SLC43A1: variants seen among roughly 807,000 people sequenced by gnomAD.
SLC43A1 encodes solute carrier family 43 member 1.
Under a neutral mutation model 59.5 loss-of-function variants are expected in SLC43A1, and 31 were observed. The observed-to-expected ratio is 0.52, with a 90% CI of 0.39 to 0.70. SLC43A1 has a LOEUF of 0.70. Ranked by LOEUF, SLC43A1 falls within the 30% of genes least tolerant of loss-of-function variation. The probability of loss-of-function intolerance (pLI) is 0.00; values close to 1 mark genes in which losing one functional copy is unlikely to be tolerated. For missense variants in SLC43A1, 598 were observed against 717.8 expected, an observed-to-expected ratio of 0.83 and a Z score of 1.91; for synonymous variants, 259 against 290.9, an observed-to-expected ratio of 0.89 and a Z score of 1.12.
At chr11:57,509,220 G>A (rs2135219975) in intron 2 of SLC43A1, among the ~76,000 whole-genome samples, 1 of 152,196 alleles carries the variant, frequency 6.6e-6, no homozygotes, top group African/African-American at 2.4e-5. Flanking sequence ...ACACCAGGTG[G>A]ATATCTCACA....
At chr11:57,493,047 G>A (rs1016766647) in intron 8 of SLC43A1, among the ~76,000 whole-genome samples, 7 of 152,054 alleles carry the variant, frequency 4.6e-5, no homozygotes, top group African/African-American at 1.4e-4. Context: ...CTCGGGGCGG[G>A]GGGGAAAGAA....
In SLC43A1 at chr11:57,500,807, C is replaced by T; in HGVS notation, c.437G>A (p.Gly146Asp). 6.2e-7 allele frequency: 1 copy of T among 1,614,196 alleles called. No individual in the cohort carries two copies. Among genetic ancestry groups the T allele is most frequent in the Non-Finnish European group, 8.5e-7 (1 of 1,180,012 alleles). The change falls in exon 5 of 15, where the codon GGC becomes GAC. Residue 146 changes from glycine to aspartate, a missense_variant. Physicochemically the swap from Gly to Asp is moderately conservative, Grantham distance 94. Coordinates refer to ENST00000278426, the MANE Select transcript of SLC43A1 (RefSeq NM_003627.6). Reference protein sequence around the residue: ...FLALSLNGFGGICLTFTSLTL... With the variant: ...FLALSLNGFGDICLTFTSLTL... ...GAGTGAAGTGAACGTTAGGCAGATG[C>T]CACCAAAGCCATTCAGGGACAGCGC... is the stretch of plus-strand genomic sequence containing the variant.
In SLC43A1 at chr11:57,499,251, G is replaced by A. The variant is rs866083044; in HGVS notation, c.466-1406C>T. ...AGGCAGGAGAATTGCTTGAACCTAG[G>A]AGGCAGAGGTTGCAGTGAGCCGAGA... On this transcript the variant is annotated intron_variant, in intron 5 of 14. Coordinates refer to ENST00000278426, the MANE Select transcript of SLC43A1 (RefSeq NM_003627.6). Among the ~76,000 whole-genome samples, 4 of 151,968 alleles carry A rather than the reference G, an allele frequency of 2.6e-5. No individual in the cohort carries two copies. In the South Asian group the frequency reaches 8.3e-4, roughly 32 times the overall value.
rs189228551 is a variant in SLC43A1 at position 57,487,962 on chromosome 11, G to C, written c.1410-744C>G. 6.3e-3 allele frequency among the ~76,000 whole-genome samples: 959 copies of C among 152,264 alleles called. 13 individuals are homozygous for C. The highest frequency in any genetic ancestry group is 0.021 in the African/African-American group (891 of 41,546). On this transcript the variant is annotated intron_variant, in intron 13 of 14. Coordinates refer to ENST00000278426, the MANE Select transcript of SLC43A1 (RefSeq NM_003627.6). ...TGTGGCAGAGTGAACAATGGAGGAGGGGGAGCTAGAGGGGAGTGAAGTGCT... is the reference window on the plus strand; with the variant it reads ...TGTGGCAGAGTGAACAATGGAGGAGCGGGAGCTAGAGGGGAGTGAAGTGCT...
chr11:57,501,682 G>A (rs1944270961), intron 2 of SLC43A1, among the ~76,000 whole-genome samples: 1 of 152,188 alleles, frequency 6.6e-6, no homozygotes, highest in Admixed American at 6.5e-5. Context: ...GGCAGTGAGT[G>A]GTACTCTAAT....
rs776579462 is a variant in SLC43A1 at position 57,501,188 on chromosome 11, T to G, written c.296A>C (p.Asp99Ala). 3 of 1,612,350 alleles carry G rather than the reference T, an allele frequency of 1.9e-6. No homozygotes were observed. The East Asian group carries it at 6.7e-5, about 36-fold the overall frequency. ...ATTLPLGILM[D>A]RFGPRPVRLV... is the part of the protein sequence containing the mutation. The stretch of plus-strand genomic sequence containing the variant: ...CCGCACGGGTCGGGGGCCAAAGCGG[T>G]CCATGAGGATCCCCAGTGGCAGGGT... The change falls in exon 3 of 15, where the codon GAC (aspartate) becomes GCC (alanine). Residue 99 changes from aspartate to alanine, a missense_variant. Transcript: ENST00000278426.
chr11:57,496,192 G>A, intron 6 of SLC43A1, 28 bp from the exon 7 acceptor site: 1 of 1,612,372 alleles, frequency 6.2e-7, no homozygotes, highest in Non-Finnish European at 8.5e-7. Flanking sequence ...AGGCCCGTGG[G>A]GGAGACTGCC....
rs745616904 is a variant in SLC43A1 at position 57,487,123 on chromosome 11, AC to A, written c.1504del (p.Val502TrpfsTer4). On this transcript the variant is annotated frameshift_variant, in exon 14 of 15. Transcript: ENST00000278426. LOFTEE classifies it low-confidence loss of function (END_TRUNC). Reference protein sequence around the residue: ...LLQQPLFMAMVGPLKGEPFWV... With the variant: ...LLQQPLFMAMXGPLKGEPFWV... ...GAAGGGCTCTCCTTTCAGGGGTCCC[AC>A]CATCGCCATGAAAAGTGGCTGCTGA... 25 of 1,614,024 alleles carry A rather than the reference AC, an allele frequency of 1.5e-5. No individual in the cohort carries two copies. In the South Asian group the frequency reaches 2.6e-4, roughly 17 times the overall value.
intron 13 of SLC43A1, 144 bp from the exon 14 acceptor site, chr11:57,487,362 TC>T: frequency 9.7e-7 from 1 of 1,035,036 alleles, no homozygotes; most frequent in Non-Finnish European, 1.4e-6. Context: ...GGCTCTTTGG[TC>T]CCCAGCCTTG....
At chr11:57,508,182 GC>G (rs1432759103) in intron 2 of SLC43A1, among the ~76,000 whole-genome samples, 11 of 151,116 alleles carry the variant, frequency 7.3e-5, no homozygotes, top group African/African-American at 2.7e-4. Context: ...CAGGAGAATC[GC>G]TTGAACCTGG....
chr11:57,488,486 T>G (rs575873932), intron 13 of SLC43A1, among the ~76,000 whole-genome samples: 1 of 152,320 alleles, frequency 6.6e-6, no homozygotes, highest in South Asian at 2.1e-4. Flanking sequence ...ATCATTATTG[T>G]AATGTCCTGT....
At chr11:57,506,738 T>C (rs1391784815) in intron 2 of SLC43A1, among the ~76,000 whole-genome samples, 1 of 152,250 alleles carries the variant, frequency 6.6e-6, no homozygotes, top group African/African-American at 2.4e-5. Context: ...CACAAGTTAC[T>C]TAGCATCTCT....
chr11:57,485,179 A>C lies in SLC43A1; in HGVS notation c.1597T>G (p.Tyr533Asp). ...TACTCCTGCTGGAGCCGGGCACGGT[A>C]ATAGAAGAGGTAGGAAGGCAACAGG... Reference protein sequence around the residue: ...GFLLPSYLFYYRARLQQEYAA... With the variant: ...GFLLPSYLFYDRARLQQEYAA... The change falls in exon 15 of 15, where the codon TAC becomes GAC. Residue 533 changes from tyrosine (Y) to aspartate (D), a missense_variant. Transcript: ENST00000278426. 1 of 1,614,022 alleles carries C rather than the reference A, an allele frequency of 6.2e-7. No homozygotes were observed.
chr11:57,487,260 C>A, intron 13 of SLC43A1, 42 bp from the exon 14 acceptor site: 3 of 1,594,856 alleles, frequency 1.9e-6, no homozygotes, highest in Non-Finnish European at 1.7e-6. Flanking sequence ...GTGGCCCTCT[C>A]CAGCCCAGGC....
rs563798048 is a variant in SLC43A1 at position 57,507,583 on chromosome 11, C to T, written c.155-6254G>A. Reference sequence around the variant, plus strand: ...ACTTGTATCCAGGAGGCTGAAGATGCATTGAGCTGTGTTTATACCACTGGA... The same window carrying T: ...ACTTGTATCCAGGAGGCTGAAGATGTATTGAGCTGTGTTTATACCACTGGA... On this transcript the variant is annotated intron_variant, in intron 2 of 14. Coordinates refer to ENST00000278426, the MANE Select transcript of SLC43A1 (RefSeq NM_003627.6). 5.3e-5 allele frequency among the ~76,000 whole-genome samples: 8 copies of T among 152,286 alleles called. No individual in the cohort carries two copies. The South Asian group carries it at 1.7e-3, about 32-fold the overall frequency.
At chr11:57,513,365 A>T (rs2135234779) in intron 2 of SLC43A1, among the ~76,000 whole-genome samples, 1 of 152,328 alleles carries the variant, frequency 6.6e-6, no homozygotes, top group African/African-American at 2.4e-5. Flanking sequence ...TCCCTGCCCC[A>T]AGGCAGCTGC....
chr11:57,514,240 G>GC lies in SLC43A1; in HGVS notation c.-13-117dup. 2 of 1,226,850 alleles carry GC rather than the reference G, an allele frequency of 1.6e-6. No homozygotes were observed. The highest frequency in any genetic ancestry group is 2.2e-6 in the Non-Finnish European group (2 of 909,220). 76.0% of individuals were successfully genotyped at this position (1,226,850 alleles called of 1,614,324 possible). A position where few individuals can be genotyped will look rare whatever the true frequency, so the allele number is the denominator to read the frequency against. On this transcript the variant is annotated intron_variant, in intron 1 of 14. Coordinates refer to ENST00000278426, the MANE Select transcript of SLC43A1 (RefSeq NM_003627.6). This position sits in a 1 kb window ranked among gnomAD's most constrained non-coding sequence, Gnocchi z 5.5. Reference sequence around the variant, plus strand: ...AGCCCGCGAGGAGCCCCTCATGGAGGCCCCATAGAGCCCTGGGCTTCCCAG... The same window carrying GC: ...AGCCCGCGAGGAGCCCCTCATGGAGGCCCCCATAGAGCCCTGGGCTTCCCAG...
chr11:57,501,135 T>G lies in SLC43A1; in HGVS notation c.332+17A>C, dbSNP rs200310586. 6 of 1,581,010 alleles carry G rather than the reference T, an allele frequency of 3.8e-6. No individual in the cohort carries two copies. In the African/African-American group the frequency reaches 4.0e-5, roughly 11 times the overall value. ...ACGGTCCCTGTCCTCCCGTTCCCCA[T>G]AGCCCAGCCACCTCACCTGCCAACC... On this transcript the variant is annotated intron_variant, in intron 3 of 14. Coordinates refer to ENST00000278426, the MANE Select transcript of SLC43A1 (RefSeq NM_003627.6).
At chr11:57,492,503 T>C (rs1943943957) in intron 8 of SLC43A1, among the ~76,000 whole-genome samples, 1 of 124,046 alleles carries the variant, frequency 8.1e-6, no homozygotes, top group Non-Finnish European at 1.6e-5. Context: ...ATATATAATA[T>C]AATATATAAT....
Sources: gnomAD v4.1 joint callset for allele counts (sites outside exome capture counted in the v4.1 genomes callset) on GRCh38, gnomAD v4.1.1 for gene constraint, Gnocchi (gnomAD v3.1) non-coding constraint, MANE v1.5 for transcripts, NCBI Gene and HGNC (gene_info 2026-07-23, HGNC 2026-07-21) for gene names.